The following WDFY3 variants were observed in gnomAD, a reference collection of about 807,000 sequenced individuals.
The protein encoded by WDFY3 is WD repeat and FYVE domain-containing protein 3.
In WDFY3, 66 loss-of-function variants were observed where a neutral mutation model predicts 409.6. The ratio of observed to expected loss-of-function variants is 0.16; its 90% CI spans 0.13 to 0.20. The LOEUF (loss-of-function observed/expected upper bound fraction) is 0.20, where lower values mean the gene tolerates loss of function less well. Ranked by LOEUF, WDFY3 falls within the 10% of genes least tolerant of loss-of-function variation. WDFY3 has a pLI of 1.00. For missense variants in WDFY3, 3,031 were observed against 4,298.1 expected, an observed-to-expected ratio of 0.71 and a Z score of 8.24; for synonymous variants, 1,521 against 1,537.1, an observed-to-expected ratio of 0.99 and a Z score of 0.25.
intron 25 of WDFY3, among the ~76,000 whole-genome samples, chr4:84,780,642 C>G (rs1424102092): frequency 6.6e-6 from 1 of 151,972 alleles, no homozygotes; most frequent in Non-Finnish European, 1.5e-5. Flanking sequence ...CACGCGCCTA[C>G]AATCTCAGCT....
chr4:84,944,593 G>A (rs753555876), intron 1 of WDFY3, among the ~76,000 whole-genome samples: 2 of 151,376 alleles, frequency 1.3e-5, no homozygotes, highest in Non-Finnish European at 2.9e-5. Context: ...TGGGGCTGTG[G>A]CGGATGGATC....
intron 48 of WDFY3, among the ~76,000 whole-genome samples, chr4:84,717,349 T>C (rs984270341): frequency 3.3e-5 from 5 of 152,160 alleles, no homozygotes; most frequent in Admixed American, 2.6e-4. Context: ...AATCAACTTT[T>C]AGGTAGAAAA....
intron 4 of WDFY3, 123 bp downstream of exon 4, chr4:84,860,289 C>T: frequency 8.6e-7 from 1 of 1,159,462 alleles, no homozygotes; most frequent in Non-Finnish European, 1.2e-6. Flanking sequence ...GAAACGAGAA[C>T]ACCAAACTTC....
chr4:84,790,018 C>G (rs1262491236), intron 21 of WDFY3, 111 bp from the exon 22 acceptor site: 5 of 1,154,776 alleles, frequency 4.3e-6, no homozygotes, highest in Non-Finnish European at 6.1e-6. Context: ...AATAATGATG[C>G]AGACTGATTT....
At chr4:84,872,108 A>G (rs1436237910) in intron 3 of WDFY3, among the ~76,000 whole-genome samples, 1 of 152,150 alleles carries the variant, frequency 6.6e-6, no homozygotes, top group East Asian at 1.9e-4. Flanking sequence ...CAGTGATACA[A>G]AGTGTCATAT....
At chr4:84,811,578 T>G (rs1177587374) in intron 13 of WDFY3, among the ~76,000 whole-genome samples, 2 of 152,208 alleles carry the variant, frequency 1.3e-5, no homozygotes, top group Non-Finnish European at 2.9e-5. Flanking sequence ...CATGACATTA[T>G]GCCCCAAACA....
chr4:84,908,886 T>C lies in WDFY3; in HGVS notation c.-131-11876A>G, dbSNP rs375465533. Among the ~76,000 whole-genome samples the C allele has an allele frequency of 5.3e-5, 8 of 152,234 alleles. No homozygotes were observed. In the East Asian group the frequency reaches 1.3e-3, roughly 26 times the overall value. On this transcript the variant is annotated intron_variant, in intron 2 of 67. Transcript: ENST00000295888. ...TCTTTCTAAGCTATAATGTAAGCTCTTTGAGGGCAGAAATCATGTCTTAAA... is the reference window on the plus strand; with the variant it reads ...TCTTTCTAAGCTATAATGTAAGCTCCTTGAGGGCAGAAATCATGTCTTAAA...
rs376694516 is a variant in WDFY3 at position 84,918,840 on chromosome 4, C to T, written c.-132+13430G>A. Among the ~76,000 whole-genome samples, 173 of 128,322 alleles carry T rather than the reference C, an allele frequency of 1.3e-3. 1 individual carries two copies. The highest frequency in any genetic ancestry group is 3.7e-3 in the Admixed American group (46 of 12,494). 84.2% of individuals were successfully genotyped at this position (128,322 alleles called of 152,430 possible). ...GTATATATATATAGATATATATATA[C>T]ACACACACACATATATATATATACA... On this transcript the variant is annotated intron_variant, in intron 2 of 67. Transcript: ENST00000295888.
At chr4:84,849,067 C>G (rs1433621682) in intron 5 of WDFY3, among the ~76,000 whole-genome samples, 3 of 152,096 alleles carry the variant, frequency 2.0e-5, no homozygotes, top group Non-Finnish European at 2.9e-5. Flanking sequence ...ACCCTAATAA[C>G]TCCCCTGTAT....
intron 4 of WDFY3, among the ~76,000 whole-genome samples, chr4:84,858,790 G>A (rs1314343340): frequency 6.6e-6 from 1 of 151,906 alleles, no homozygotes; most frequent in Non-Finnish European, 1.5e-5. Context: ...CGGGGTGAGG[G>A]GGTGGGTGTG....
intron 2 of WDFY3, among the ~76,000 whole-genome samples, chr4:84,924,970 C>T (rs1769780390): frequency 6.6e-6 from 1 of 152,144 alleles, no homozygotes; most frequent in Non-Finnish European, 1.5e-5. Context: ...AACCTCATAC[C>T]TACAAAAGGT....
Position 84,679,164 on chromosome 4 carries a change from G to A in WDFY3, c.9902C>T (p.Pro3301Leu), listed in dbSNP as rs767219374. Residue 3301 changes from proline to leucine, a missense_variant, in exon 65 of 68, where the codon CCA (proline) becomes CTA (leucine). Physicochemically the swap from Pro to Leu is moderately conservative, Grantham distance 98. This residue lies in a region of WDFY3 where 378 missense variants were observed against 477.3 expected (regional missense o/e 0.79). Transcript: ENST00000295888. ...GTGGCTGGTGCTGCTGGGTTGGCTT[G>A]GAGTGTCCTTAGGGTCCTGGCTGAT... Reference protein sequence around the residue: ...QSISQDPKDTPSQPSSTSHRP... With the variant: ...QSISQDPKDTLSQPSSTSHRP... 4 of 1,613,162 alleles carry A rather than the reference G, an allele frequency of 2.5e-6. No individual in the cohort carries two copies. The African/African-American group carries it at 4.0e-5, about 16-fold the overall frequency.
intron 17 of WDFY3, among the ~76,000 whole-genome samples, chr4:84,800,741 T>C (rs1750375212): frequency 6.6e-6 from 1 of 152,184 alleles, no homozygotes; most frequent in South Asian, 2.1e-4. Context: ...CCACCTCAGA[T>C]CATCAGGTAT....
intron 61 of WDFY3, among the ~76,000 whole-genome samples, chr4:84,689,857 T>C (rs778175511): frequency 2.0e-5 from 3 of 152,234 alleles, no homozygotes; most frequent in Non-Finnish European, 2.9e-5. Flanking sequence ...TATTGTTACA[T>C]TATTTTTCAA....
rs746407972 is a variant in WDFY3, at chr4:84,739,084, C to T, written c.6500G>A (p.Arg2167His). 1.2e-5 allele frequency: 20 copies of T among 1,614,088 alleles called. No individual in the cohort carries two copies. Among genetic ancestry groups the T allele is most frequent in the South Asian group, 1.1e-5 (1 of 91,080 alleles). Reference sequence around the variant, plus strand: ...GATCATAATGTGCCATGTGGTCATGCGGGCTTCTGCTTCCAGTCCAAATCC... The same window carrying T: ...GATCATAATGTGCCATGTGGTCATGTGGGCTTCTGCTTCCAGTCCAAATCC... ...VDGFGLEAEA[R>H]MTTWHIMIPS... Residue 2167 changes from arginine to histidine, a missense_variant, in exon 40 of 68, where the codon CGC becomes CAC. Physicochemically the swap from Arg to His is conservative, Grantham distance 29. This residue lies in a region of WDFY3 where 314 missense variants were observed against 397.4 expected (regional missense o/e 0.79). Coordinates refer to ENST00000295888, the MANE Select transcript of WDFY3 (RefSeq NM_014991.6).
At chr4:84,880,670 CATACATATATATATATAT>C (rs1763372471) in intron 3 of WDFY3, among the ~76,000 whole-genome samples, 2 of 55,204 alleles carry the variant, frequency 3.6e-5, no homozygotes, top group South Asian at 6.6e-4. Flanking sequence ...ATAAGGGAAC[CATACATATATATATATAT>C]ATATATATAT....
chr4:84,874,097 C>T (rs1762465601), intron 3 of WDFY3, among the ~76,000 whole-genome samples: 1 of 151,454 alleles, frequency 6.6e-6, no homozygotes, highest in Non-Finnish European at 1.5e-5. Flanking sequence ...CCTGTTCTTA[C>T]AGCTCCTAAG....
chr4:84,741,867 T>C lies in WDFY3; in HGVS notation c.6128A>G (p.Asn2043Ser), dbSNP rs1296792824. 13 of 1,612,658 alleles carry C rather than the reference T, an allele frequency of 8.1e-6. No individual in the cohort carries two copies. The highest frequency in any genetic ancestry group is 1.1e-5 in the Non-Finnish European group (13 of 1,178,844). ...ACGCTGTGTGAAATAAAACACATTG[T>C]TCACCAATACCTGGTAGCTTCCTCC... is the stretch of plus-strand genomic sequence containing the variant. Reference protein sequence around the residue: ...TSGGSYQVLVNNVFYFTQRVV... With the variant: ...TSGGSYQVLVSNVFYFTQRVV... The change falls in exon 38 of 68, where the codon AAC (asparagine) becomes AGC (serine). Residue 2043 changes from asparagine to serine, a missense_variant. By Grantham distance (46) the Asn-to-Ser change is conservative (BLOSUM62 1). This residue lies in a region of WDFY3 where 314 missense variants were observed against 397.4 expected (regional missense o/e 0.79). Transcript: ENST00000295888.
At chr4:84,925,322 G>A (rs1364329403) in intron 2 of WDFY3, among the ~76,000 whole-genome samples, 1 of 152,112 alleles carries the variant, frequency 6.6e-6, no homozygotes, top group Non-Finnish European at 1.5e-5. Flanking sequence ...GCCCTGGGAA[G>A]TTTTTTAAAA....
Sources: gnomAD v4.1 joint callset for allele counts (sites outside exome capture counted in the v4.1 genomes callset) on GRCh38, gnomAD v4.1.1 for gene constraint, gnomAD v4.1.1 regional missense constraint, MANE v1.5 for transcripts, NCBI Gene and HGNC (gene_info 2026-07-23, HGNC 2026-07-21) for gene names.